UBE2E3: variants seen among roughly 807,000 people sequenced by gnomAD.
The protein encoded by UBE2E3 is ubiquitin conjugating enzyme E2 E3, also known as ubiquitin-conjugating enzyme E2 E3.
In UBE2E3, 5 loss-of-function variants were observed where a neutral mutation model predicts 23.6. That is an observed-to-expected ratio of 0.21 (90% confidence interval 0.11 to 0.44). UBE2E3 has a LOEUF of 0.44. Among genes scored for constraint, UBE2E3 ranks in the 20% least tolerant of loss-of-function variants. The pLI is 0.99. For missense variants in UBE2E3, 81 were observed against 249.8 expected, an observed-to-expected ratio of 0.32 and a Z score of 4.55; for synonymous variants, 78 against 87.5, an observed-to-expected ratio of 0.89 and a Z score of 0.60.
At chr2:181,001,866 TTTA>T (rs1213600626) in intron 3 of UBE2E3, among the ~76,000 whole-genome samples, 1 of 152,176 alleles carries the variant, frequency 6.6e-6, no homozygotes, top group South Asian at 2.1e-4. Context: ...ATTTTAAATT[TTTA>T]TTATTTTTTA....
At chr2:181,041,761 T>C (rs4666684) in intron 3 of UBE2E3, among the ~76,000 whole-genome samples, 1 of 151,918 alleles carries the variant, frequency 6.6e-6, no homozygotes, top group East Asian at 1.9e-4. Flanking sequence ...GTAAGCTCTT[T>C]TCAAATAAGA....
chr2:181,047,574 C>G (rs576008693), intron 3 of UBE2E3, among the ~76,000 whole-genome samples: 1 of 151,860 alleles, frequency 6.6e-6, no homozygotes, highest in African/African-American at 2.4e-5. Flanking sequence ...AAGCTATTCT[C>G]GAAACCCTCC....
intron 3 of UBE2E3, chr2:180,987,381 G>A (rs1229779601): frequency 1.1e-5 from 17 of 1,549,780 alleles, no homozygotes; most frequent in Admixed American, 2.0e-5. Context: ...TGCAAACAGC[G>A]AAAGTTTAGA....
At chr2:181,057,606 A>G in intron 3 of UBE2E3, 87 bp from the exon 4 acceptor site, 1 of 1,160,944 alleles carries the variant, frequency 8.6e-7, no homozygotes. Flanking sequence ...TAGATTGCTA[A>G]TTTACCTTTA....
At chr2:181,019,021 T>C (rs1685587998) in intron 3 of UBE2E3, among the ~76,000 whole-genome samples, 3 of 152,170 alleles carry the variant, frequency 2.0e-5, no homozygotes, top group African/African-American at 4.8e-5. Context: ...TGGAGGGCAG[T>C]GGTGTGATCT....
chr2:181,007,714 T>G (rs1245806310), intron 3 of UBE2E3, among the ~76,000 whole-genome samples: 2 of 152,110 alleles, frequency 1.3e-5, no homozygotes, highest in African/African-American at 4.8e-5. Flanking sequence ...TGGAGGCCAG[T>G]AGAGCCAAAG....
intron 2 of UBE2E3, 83 bp from the exon 3 acceptor site, chr2:180,983,960 A>G (rs1215167088): frequency 1.2e-5 from 13 of 1,085,370 alleles, no homozygotes; most frequent in Non-Finnish European, 1.6e-5. Context: ...ATTTAACTGC[A>G]TGGTGGTAGA....
intron 3 of UBE2E3, among the ~76,000 whole-genome samples, chr2:180,997,895 T>C (rs1684875177): frequency 6.6e-6 from 1 of 152,138 alleles, no homozygotes; most frequent in South Asian, 2.1e-4. Context: ...CATATCTCTT[T>C]TGAGAGACAT....
chr2:181,014,486 G>A (rs1685428416), intron 3 of UBE2E3, among the ~76,000 whole-genome samples: 1 of 152,174 alleles, frequency 6.6e-6, no homozygotes, highest in South Asian at 2.1e-4. Flanking sequence ...TTTAATGATT[G>A]ATTAGGGAAG....
chr2:181,029,833 C>A (rs974347990), intron 3 of UBE2E3, among the ~76,000 whole-genome samples: 10 of 144,004 alleles, frequency 6.9e-5, no homozygotes, highest in African/African-American at 2.3e-4. Context: ...TCAATTAATT[C>A]GGTCCCTTTT....
At chr2:181,026,742 T>G (rs1305108119) in intron 3 of UBE2E3, among the ~76,000 whole-genome samples, 1 of 141,206 alleles carries the variant, frequency 7.1e-6, no homozygotes, top group Non-Finnish European at 1.5e-5. Flanking sequence ...AAATACAACT[T>G]TTGTGTCAGT....
At chr2:181,026,228 T>C (rs1038377565) in intron 3 of UBE2E3, among the ~76,000 whole-genome samples, 1 of 151,956 alleles carries the variant, frequency 6.6e-6, no homozygotes, top group Non-Finnish European at 1.5e-5. Context: ...ACTTTAGATA[T>C]TCTCATAGAA....
At chr2:180,982,988 G>A (rs1238776443) in intron 2 of UBE2E3, among the ~76,000 whole-genome samples, 1 of 152,052 alleles carries the variant, frequency 6.6e-6, no homozygotes, top group African/African-American at 2.4e-5. Flanking sequence ...AAGATCATTT[G>A]TTTCCTATTG....
At chr2:181,035,564 A>G (rs1686244168) in intron 3 of UBE2E3, among the ~76,000 whole-genome samples, 1 of 152,190 alleles carries the variant, frequency 6.6e-6, no homozygotes, top group Non-Finnish European at 1.5e-5. Context: ...CATTAGTAAT[A>G]TATTAGTAAT....
intron 3 of UBE2E3, among the ~76,000 whole-genome samples, chr2:181,024,479 C>T (rs553466266): frequency 6.6e-6 from 1 of 152,120 alleles, no homozygotes; most frequent in African/African-American, 2.4e-5. Context: ...GATTAGGTAG[C>T]GCTGCAATAA....
At chr2:181,051,014 T>G (rs1188049694) in intron 3 of UBE2E3, among the ~76,000 whole-genome samples, 1 of 151,860 alleles carries the variant, frequency 6.6e-6, no homozygotes, top group Non-Finnish European at 1.5e-5. Flanking sequence ...ATAGTTGAAG[T>G]TTCTTCGTAC....
chr2:181,019,454 T>C (rs1330940400), intron 3 of UBE2E3, among the ~76,000 whole-genome samples: 1 of 152,234 alleles, frequency 6.6e-6, no homozygotes, highest in African/African-American at 2.4e-5. Context: ...TTCAGTGTCA[T>C]TTTTAACTTG....
At chr2:181,025,590 A>G (rs1685859261) in intron 3 of UBE2E3, among the ~76,000 whole-genome samples, 1 of 151,830 alleles carries the variant, frequency 6.6e-6, no homozygotes, top group Non-Finnish European at 1.5e-5. Flanking sequence ...TTTTTTTTCT[A>G]CATTTAAATG....
In UBE2E3 at chr2:181,015,425, A is replaced by G. The variant is rs149127580; in HGVS notation, c.245+31332A>G. Among the ~76,000 whole-genome samples, 449 of 152,272 alleles carry G rather than the reference A, an allele frequency of 2.9e-3. 5 individuals are homozygous for G. Among genetic ancestry groups the G allele is most frequent in the Admixed American group, 6.5e-3 (99 of 15,284 alleles). ...CAGTGTTTACTGAGACAAAGTAGGG[A>G]TAGATGATAGTACTTAATGATTTTT... On this transcript the variant is annotated intron_variant, in intron 3 of 5. Coordinates refer to ENST00000410062, the MANE Select transcript of UBE2E3 (RefSeq NM_006357.4).
Sources: gnomAD v4.1 joint callset for allele counts (sites outside exome capture counted in the v4.1 genomes callset) on GRCh38, gnomAD v4.1.1 for gene constraint, MANE v1.5 for transcripts, NCBI Gene and HGNC (gene_info 2026-07-23, HGNC 2026-07-21) for gene names.